The following KCNH5 variants were observed in gnomAD, a reference collection of about 807,000 sequenced individuals.
KCNH5 encodes voltage-gated delayed rectifier potassium channel KCNH5.
KCNH5 carries 46 observed loss-of-function variants against 96.1 expected under a neutral mutation model. The observed-to-expected ratio is 0.48, with a 90% CI of 0.38 to 0.61. KCNH5 has a LOEUF of 0.61. Ranked by LOEUF, KCNH5 falls within the 20% of genes least tolerant of loss-of-function variation. The pLI is 0.00. For missense variants in KCNH5, 907 were observed against 1,225.8 expected (o/e 0.74, Z 3.88); for synonymous variants, 439 against 449.8 (o/e 0.98, Z 0.30).
intron 7 of KCNH5, 104 bp from the exon 8 acceptor site, chr14:62,849,956 T>G: frequency 1.1e-6 from 1 of 918,002 alleles, no homozygotes; most frequent in East Asian, 2.6e-5. Flanking sequence ...CCTTATAAAC[T>G]TGCAGGGGTA....
chr14:62,997,679 C>T lies in KCNH5; in HGVS notation c.433+3652G>A, dbSNP rs570320493. Among the ~76,000 whole-genome samples the T allele has an allele frequency of 1.8e-4, 27 of 151,674 alleles. No homozygotes were observed. The South Asian group carries it at 5.7e-3, about 32-fold the overall frequency. ...TTGGAAGGCCGAGGCAGGCAGATCA[C>T]GAGGTCAGGAGATCGAGACCATCCT... On this transcript the variant is annotated intron_variant, in intron 4 of 10. Transcript: ENST00000322893.
At chr14:62,992,506 A>T (rs1010885213) in intron 4 of KCNH5, among the ~76,000 whole-genome samples, 33 of 151,800 alleles carry the variant, frequency 2.2e-4, no homozygotes, top group African/African-American at 4.4e-4. Flanking sequence ...TTGTCTTTTT[A>T]ATGGCCATTC....
intron 1 of KCNH5, among the ~76,000 whole-genome samples, chr14:63,017,589 T>A (rs1363210955): frequency 6.6e-6 from 1 of 151,766 alleles, no homozygotes; most frequent in Non-Finnish European, 1.5e-5. Context: ...CACAGAAAAG[T>A]AGGTTTGCTT....
At position 62,703,705 on chromosome 14, in the gene KCNH5, G is replaced by GA. The variant is rs1884381923; in HGVS notation, c.*3802dup. On this transcript the variant is annotated 3_prime_UTR_variant, in exon 11 of 11. Transcript: ENST00000322893. Reference sequence around the variant, plus strand: ...AAGAGAAATACTTTTACACCTAATAGAAAAAATTATAGCACAACATTCACA... The same window carrying GA: ...AAGAGAAATACTTTTACACCTAATAGAAAAAAATTATAGCACAACATTCACA... 6.6e-6 allele frequency: 1 copy of GA among 151,676 alleles called. No individual in the cohort carries two copies. The highest frequency in any genetic ancestry group is 2.4e-5 in the African/African-American group (1 of 41,472). The allele number at this position is 151,676 out of a possible 1,614,324, so 9.4% of individuals were successfully genotyped here. A position where few individuals can be genotyped will look rare whatever the true frequency, so the allele number is the denominator to read the frequency against.
intron 8 of KCNH5, among the ~76,000 whole-genome samples, chr14:62,838,381 C>A (rs991773994): frequency 6.6e-6 from 1 of 152,108 alleles, no homozygotes; most frequent in Non-Finnish European, 1.5e-5. Flanking sequence ...GAATCTCTAA[C>A]CCTGCATTAG....
intron 1 of KCNH5, 72 bp downstream of exon 1, chr14:63,045,042 G>T: frequency 8.5e-7 from 1 of 1,179,708 alleles, no homozygotes; most frequent in Non-Finnish European, 1.3e-6. Context: ...GGAGAGGGAT[G>T]GGATGGGGAG....
chr14:62,950,278 T>A lies in KCNH5; in HGVS notation c.1224A>T (p.Ile408=). ...AATCCTTGCTGGGTCCTCCTTCCCATATCCCAGCACTGGTATTGTAGCGAT... is the reference window on the plus strand; with the variant it reads ...AATCCTTGCTGGGTCCTCCTTCCCAAATCCCAGCACTGGTATTGTAGCGAT... ...TPYRYNTSAG[I]WEGGPSKDSL... The change falls in exon 7 of 11, where the codon ATA becomes ATT. Residue 408 remains isoleucine, a synonymous_variant. Transcript: ENST00000322893. 1 of 1,614,042 alleles carries A rather than the reference T, an allele frequency of 6.2e-7. No individual in the cohort carries two copies. The highest frequency in any genetic ancestry group is 8.5e-7 in the Non-Finnish European group (1 of 1,179,964).
intron 8 of KCNH5, among the ~76,000 whole-genome samples, chr14:62,820,579 G>A (rs551682837): frequency 2.6e-5 from 4 of 152,064 alleles, no homozygotes; most frequent in African/African-American, 9.7e-5. Flanking sequence ...TTATAAGTGA[G>A]AACATGCAGT....
At chr14:62,805,801 T>C (rs1013425870) in intron 8 of KCNH5, among the ~76,000 whole-genome samples, 7 of 152,164 alleles carry the variant, frequency 4.6e-5, no homozygotes, top group African/African-American at 1.7e-4. Flanking sequence ...GAGTTGTTTG[T>C]CCCCTCTTTG....
intron 8 of KCNH5, among the ~76,000 whole-genome samples, chr14:62,831,720 A>T (rs1056195831): frequency 1.3e-5 from 2 of 151,934 alleles, no homozygotes; most frequent in African/African-American, 2.4e-5. Flanking sequence ...TTATTTATTT[A>T]TTTTTTGAGA....
intron 6 of KCNH5, among the ~76,000 whole-genome samples, chr14:62,959,235 T>C (rs1435178926): frequency 3.9e-5 from 6 of 152,148 alleles, no homozygotes; most frequent in Non-Finnish European, 5.9e-5. Context: ...ACCACCCTTG[T>C]TTCTTCTACA....
chr14:62,718,769 A>G (rs1285530565), intron 10 of KCNH5, among the ~76,000 whole-genome samples: 1 of 152,248 alleles, frequency 6.6e-6, no homozygotes, highest in Non-Finnish European at 1.5e-5. Flanking sequence ...TGTTCACAGC[A>G]GCATCATTTA....
chr14:62,904,006 T>C (rs1292711768), intron 7 of KCNH5, among the ~76,000 whole-genome samples: 2 of 152,166 alleles, frequency 1.3e-5, no homozygotes, highest in Non-Finnish European at 2.9e-5. Flanking sequence ...AACTAAAACA[T>C]CTTTGGTTCA....
intron 7 of KCNH5, among the ~76,000 whole-genome samples, chr14:62,935,998 C>T (rs893836005): frequency 2.0e-5 from 3 of 152,058 alleles, no homozygotes; most frequent in African/African-American, 7.2e-5. Flanking sequence ...GTAACATGAT[C>T]CAGCAAAACA....
intron 7 of KCNH5, among the ~76,000 whole-genome samples, chr14:62,899,517 T>TA (rs2140091752): frequency 6.6e-6 from 1 of 152,278 alleles, no homozygotes; most frequent in Non-Finnish European, 1.5e-5. Flanking sequence ...CATGACTTTT[T>TA]ACCCCATAAA....
rs574532737 is a variant in KCNH5, at chr14:62,699,943, C to T, written c.*7565G>A. 3 of 152,266 alleles carry T rather than the reference C, an allele frequency of 2.0e-5. No homozygotes were observed. The South Asian group carries it at 6.2e-4, about 32-fold the overall frequency. The allele number at this position is 152,266 out of a possible 1,614,324, so 9.4% of individuals were successfully genotyped here. On this transcript the variant is annotated 3_prime_UTR_variant, in exon 11 of 11. Coordinates refer to ENST00000322893, the MANE Select transcript of KCNH5 (RefSeq NM_139318.5). The stretch of plus-strand genomic sequence containing the variant: ...CCCACATGAAATTTTTGCATTGTTT[C>T]CTTTGTCAATGCATGAATCAATTAT...
intron 7 of KCNH5, among the ~76,000 whole-genome samples, chr14:62,919,204 G>A (rs1381338381): frequency 6.6e-6 from 1 of 152,070 alleles, no homozygotes; most frequent in Non-Finnish European, 1.5e-5. Flanking sequence ...ACTAGGTAAT[G>A]AAGCTTCCAA....
At chr14:62,773,048 C>T (rs982583019) in intron 10 of KCNH5, among the ~76,000 whole-genome samples, 1 of 152,170 alleles carries the variant, frequency 6.6e-6, no homozygotes, top group Non-Finnish European at 1.5e-5. Flanking sequence ...CACATATTAT[C>T]CTTCCCTATT....
At chr14:63,040,974 T>G (rs1292555660) in intron 1 of KCNH5, among the ~76,000 whole-genome samples, 1 of 152,088 alleles carries the variant, frequency 6.6e-6, no homozygotes, top group Non-Finnish European at 1.5e-5. Context: ...GAAAAACACT[T>G]CTAGTTTTCC....
Sources: gnomAD v4.1 joint callset for allele counts (sites outside exome capture counted in the v4.1 genomes callset) on GRCh38, gnomAD v4.1.1 for gene constraint, MANE v1.5 for transcripts, NCBI Gene and HGNC (gene_info 2026-07-23, HGNC 2026-07-21) for gene names.